Variants in AOPEP observed in about 807,000 individuals in gnomAD.
AOPEP encodes the protein aminopeptidase O.
A neutral mutation model predicts 98.1 loss-of-function variants in AOPEP; 77 were observed. The ratio of observed to expected loss-of-function variants is 0.78; its 90% CI spans 0.65 to 0.95. The LOEUF (loss-of-function observed/expected upper bound fraction) is 0.95, where lower values mean the gene tolerates loss of function less well. Ranked by LOEUF, AOPEP falls within the 40% of genes least tolerant of loss-of-function variation. The pLI is 0.00. For synonymous variants in AOPEP, 346 were observed against 365.3 expected (o/e 0.95, Z 0.60); for missense variants, 1,024 against 1,024.7 (o/e 1.00, Z 0.01).
intron 11 of AOPEP, among the ~76,000 whole-genome samples, chr9:94,997,421 A>G (rs1454748975): frequency 6.6e-6 from 1 of 152,184 alleles, no homozygotes; most frequent in East Asian, 1.9e-4. Context: ...TCTCCCAAGC[A>G]TCTGGAATTT....
chr9:95,040,049 C>T (rs1462918255), intron 13 of AOPEP, among the ~76,000 whole-genome samples: 2 of 152,190 alleles, frequency 1.3e-5, no homozygotes, highest in Non-Finnish European at 2.9e-5. Flanking sequence ...GCCTCATCAG[C>T]CCTGCTTTAA....
chr9:94,922,293 C>T (rs543686462), intron 5 of AOPEP, among the ~76,000 whole-genome samples: 24 of 152,322 alleles, frequency 1.6e-4, no homozygotes, highest in Admixed American at 4.6e-4. Flanking sequence ...GTCATCCACT[C>T]GTGGAAGCTT....
At position 95,005,226 on chromosome 9, in the gene AOPEP, T is replaced by G; in HGVS notation, c.2040+6T>G. On this transcript the variant is annotated splice_donor_region_variant and intron_variant, in intron 12 of 16. Coordinates refer to ENST00000375315, the MANE Select transcript of AOPEP (RefSeq NM_001193329.3). ...CGCGGCAAGTGCGCGCCGAGGTGAG[T>G]GCGGGCGGCGCGGTCCCTGCGCCCC... 9.1e-7 allele frequency: 1 copy of G among 1,097,150 alleles called. No individual in the cohort carries two copies. The highest frequency in any genetic ancestry group is 1.1e-6 in the Non-Finnish European group (1 of 903,064). 68.0% of individuals were successfully genotyped at this position (1,097,150 alleles called of 1,614,324 possible).
intron 13 of AOPEP, among the ~76,000 whole-genome samples, chr9:95,021,361 C>T (rs978112109): frequency 1.3e-5 from 2 of 152,190 alleles, no homozygotes; most frequent in Admixed American, 6.5e-5. Flanking sequence ...TTCAGACTTG[C>T]AGAAAGCTTC....
chr9:95,029,313 T>G (rs1355520297), intron 13 of AOPEP, among the ~76,000 whole-genome samples: 1 of 152,030 alleles, frequency 6.6e-6, no homozygotes, highest in Non-Finnish European at 1.5e-5. Flanking sequence ...GATGCATACA[T>G]TAAATCATTC....
intron 5 of AOPEP, among the ~76,000 whole-genome samples, chr9:94,808,291 C>T (rs548027153): frequency 1.3e-5 from 2 of 152,336 alleles, no homozygotes; most frequent in East Asian, 1.9e-4. Flanking sequence ...CCACCTGCCT[C>T]GGCCTCCTGA....
intron 7 of AOPEP, among the ~76,000 whole-genome samples, chr9:94,946,336 A>AT (rs1261313696): frequency 2.6e-5 from 4 of 152,210 alleles, no homozygotes; most frequent in Non-Finnish European, 1.5e-5. Flanking sequence ...TAGATATTAG[A>AT]GTCAGAAAGG....
intron 5 of AOPEP, among the ~76,000 whole-genome samples, chr9:94,890,803 G>T (rs1442235233): frequency 2.0e-5 from 3 of 152,060 alleles, no homozygotes; most frequent in Non-Finnish European, 4.4e-5. Context: ...TTCCATTAAG[G>T]CCAGAGAATA....
chr9:94,931,934 A>C (rs2055382720), intron 7 of AOPEP: 10 of 1,125,212 alleles, frequency 8.9e-6, no homozygotes, highest in Middle Eastern at 2.6e-4. Flanking sequence ...TCAATAGCCC[A>C]AGGCTCAGAA....
chr9:94,837,921 C>G (rs926802006), intron 5 of AOPEP, among the ~76,000 whole-genome samples: 7 of 152,096 alleles, frequency 4.6e-5, no homozygotes, highest in Admixed American at 2.0e-4. Flanking sequence ...AGCAATCAGA[C>G]AAGGGAATGA....
intron 5 of AOPEP, among the ~76,000 whole-genome samples, chr9:94,844,337 A>G (rs765387169): frequency 6.6e-6 from 1 of 152,202 alleles, no homozygotes; most frequent in Non-Finnish European, 1.5e-5. Flanking sequence ...AAGGCAAAAA[A>G]TCCAATTACT....
chr9:94,924,516 G>A (rs988457720), intron 6 of AOPEP, among the ~76,000 whole-genome samples: 1 of 152,192 alleles, frequency 6.6e-6, no homozygotes, highest in African/African-American at 2.4e-5. Context: ...TGAAGAAAAG[G>A]TCATGCTATA....
chr9:95,124,710 T>A, the AOPEP span, among the ~76,000 whole-genome samples: 1 of 152,166 alleles, frequency 6.6e-6, no homozygotes, highest in Non-Finnish European at 1.5e-5. Flanking sequence ...ATTCATCACA[T>A]GCCATATAGA....
chr9:95,060,669 A>G, intron 13 of AOPEP, 25 bp from the exon 14 acceptor site: 3 of 1,472,082 alleles, frequency 2.0e-6, no homozygotes, highest in African/African-American at 1.4e-5. Context: ...TGGCATTTTC[A>G]TAGGCTGTTT....
chr9:95,063,599 C>T (rs930652245), intron 14 of AOPEP, among the ~76,000 whole-genome samples: 1 of 152,218 alleles, frequency 6.6e-6, no homozygotes, highest in African/African-American at 2.4e-5. Flanking sequence ...CCGAAAGGCC[C>T]ATGCTGCAGC....
At chr9:94,830,082 G>A (rs935168912) in intron 5 of AOPEP, among the ~76,000 whole-genome samples, 1 of 152,062 alleles carries the variant, frequency 6.6e-6, no homozygotes, top group Admixed American at 6.5e-5. Context: ...AGGATGTGCA[G>A]GTTTGTTACA....
At chr9:95,016,136 T>A (rs1185564335) in intron 13 of AOPEP, among the ~76,000 whole-genome samples, 2 of 152,078 alleles carry the variant, frequency 1.3e-5, no homozygotes, top group Non-Finnish European at 2.9e-5. Context: ...AAGCTTTTTT[T>A]TTTTTTCCCC....
At chr9:95,138,144 C>T in the AOPEP span, among the ~76,000 whole-genome samples, 5 of 152,370 alleles carry the variant, frequency 3.3e-5, no homozygotes, top group East Asian at 3.9e-4. Flanking sequence ...ATCCCCTCCC[C>T]GCACAGAAGA....
intron 14 of AOPEP, among the ~76,000 whole-genome samples, chr9:95,068,356 CCTGTTGG>C (rs1253242705): frequency 3.3e-5 from 5 of 152,208 alleles, no homozygotes; most frequent in African/African-American, 1.2e-4. Context: ...TTTTAGCCAT[CCTGTTGG>C]ATGTGACTTG....
Sources: allele counts gnomAD v4.1 joint callset (sites outside exome capture counted in the v4.1 genomes callset), GRCh38; gene constraint gnomAD v4.1.1; transcripts MANE v1.5; gene names NCBI Gene and HGNC (gene_info 2026-07-23, HGNC 2026-07-21).